Variants in CADPS2 observed in about 807,000 individuals in gnomAD.
CADPS2 encodes calcium-dependent secretion activator 2.
CADPS2 carries 93 observed loss-of-function variants against 172.5 expected under a neutral mutation model. That is an observed-to-expected ratio of 0.54 (90% CI 0.46 to 0.64). CADPS2 has a LOEUF of 0.64. Ranked by LOEUF, CADPS2 falls within the 30% of genes least tolerant of loss-of-function variation. The probability of loss-of-function intolerance (pLI) is 0.00; values close to 1 mark genes in which losing one functional copy is unlikely to be tolerated. For synonymous variants in CADPS2, 546 were observed against 555.2 expected, an observed-to-expected ratio of 0.98 and a Z score of 0.23; for missense variants, 1,420 against 1,565.9, an observed-to-expected ratio of 0.91 and a Z score of 1.57.
At chr7:122,568,674 G>A (rs888172488) in intron 7 of CADPS2, among the ~76,000 whole-genome samples, 1 of 152,002 alleles carries the variant, frequency 6.6e-6, no homozygotes, top group African/African-American at 2.4e-5. Context: ...TGTAGCTCTA[G>A]ATCTGAAAAT....
At chr7:122,834,164 T>C (rs1204183158) in intron 1 of CADPS2, among the ~76,000 whole-genome samples, 1 of 152,102 alleles carries the variant, frequency 6.6e-6, no homozygotes, top group Non-Finnish European at 1.5e-5. Context: ...ACAGCTAACA[T>C]GATGGTAGAA....
chr7:122,756,727 C>T (rs890463588), intron 1 of CADPS2, among the ~76,000 whole-genome samples: 22 of 152,106 alleles, frequency 1.4e-4, no homozygotes, highest in African/African-American at 5.1e-4. Flanking sequence ...GGTGAAACCC[C>T]GTCTCTACTA....
chr7:122,467,778 C>G (rs1163654678), intron 14 of CADPS2, among the ~76,000 whole-genome samples: 1 of 152,184 alleles, frequency 6.6e-6, no homozygotes, highest in Non-Finnish European at 1.5e-5. Context: ...TATAACCACA[C>G]ATATCAACCT....
intron 2 of CADPS2, among the ~76,000 whole-genome samples, chr7:122,707,770 C>A (rs1042537644): frequency 6.6e-6 from 1 of 151,318 alleles, no homozygotes; most frequent in African/African-American, 2.4e-5. Flanking sequence ...AAAGCAGAAT[C>A]TTTACTTTTA....
At chr7:122,744,185 G>A (rs1028514804) in intron 1 of CADPS2, among the ~76,000 whole-genome samples, 2 of 152,106 alleles carry the variant, frequency 1.3e-5, no homozygotes, top group Non-Finnish European at 2.9e-5. Context: ...TTCTTTTCCT[G>A]CTGAATGGAA....
chr7:122,807,207 G>A (rs1300461666), intron 1 of CADPS2, among the ~76,000 whole-genome samples: 2 of 152,190 alleles, frequency 1.3e-5, no homozygotes, highest in Admixed American at 1.3e-4. Flanking sequence ...TTCATAGCCA[G>A]CCCAACTCTG....
chr7:122,517,392 T>C (rs2060458698), intron 8 of CADPS2, among the ~76,000 whole-genome samples: 1 of 152,104 alleles, frequency 6.6e-6, no homozygotes, highest in Admixed American at 6.6e-5. Flanking sequence ...TGTAGGCATG[T>C]CTTCATTTCT....
At chr7:122,423,711 C>A (rs558052784) in intron 17 of CADPS2, among the ~76,000 whole-genome samples, 3 of 152,226 alleles carry the variant, frequency 2.0e-5, no homozygotes, top group East Asian at 3.9e-4. Flanking sequence ...CATTTCTTGG[C>A]TTAAGCATGC....
chr7:122,446,937 A>AT (rs748190148), intron 15 of CADPS2, among the ~76,000 whole-genome samples: 16 of 146,278 alleles, frequency 1.1e-4, no homozygotes, highest in Admixed American at 2.1e-4. Flanking sequence ...TCTTGAAAAT[A>AT]TTTTTTCCCA....
At chr7:122,741,240 A>G (rs1234949334) in intron 1 of CADPS2, among the ~76,000 whole-genome samples, 1 of 152,180 alleles carries the variant, frequency 6.6e-6, no homozygotes, top group Non-Finnish European at 1.5e-5. Flanking sequence ...AGCAGTTAAA[A>G]TAAGTCACCA....
At chr7:122,740,916 A>G (rs185407385) in intron 1 of CADPS2, among the ~76,000 whole-genome samples, 1 of 152,148 alleles carries the variant, frequency 6.6e-6, no homozygotes, top group African/African-American at 2.4e-5. Flanking sequence ...AAAAGAATAC[A>G]AATTAAAACT....
intron 17 of CADPS2, among the ~76,000 whole-genome samples, chr7:122,437,656 ATG>A (rs1420187312): frequency 1.3e-5 from 2 of 152,100 alleles, no homozygotes; most frequent in Non-Finnish European, 2.9e-5. Context: ...TGAGCAAAAA[ATG>A]TGAGGCCTGT....
At chr7:122,455,798 C>A (rs1324746873) in intron 14 of CADPS2, among the ~76,000 whole-genome samples, 1 of 152,112 alleles carries the variant, frequency 6.6e-6, no homozygotes, top group Non-Finnish European at 1.5e-5. Context: ...ACTCCACCTC[C>A]TGGGTTCAAG....
chr7:122,325,402 T>C (rs2033628506), intron 29 of CADPS2, 75 bp downstream of exon 29: 8 of 919,818 alleles, frequency 8.7e-6, no homozygotes, highest in Non-Finnish European at 1.4e-5. Flanking sequence ...AAATACAGTT[T>C]TCTTGTATGT....
chr7:122,794,238 A>T (rs1011082396), intron 1 of CADPS2, among the ~76,000 whole-genome samples: 6 of 151,804 alleles, frequency 4.0e-5, no homozygotes, highest in African/African-American at 1.2e-4. Flanking sequence ...TGGGGACACC[A>T]ATGAGTCATA....
intron 2 of CADPS2, among the ~76,000 whole-genome samples, chr7:122,718,779 T>G (rs1268342385): frequency 1.3e-5 from 2 of 152,102 alleles, no homozygotes; most frequent in Non-Finnish European, 2.9e-5. Context: ...GACCAAGTTG[T>G]GAGCTCAAGA....
At chr7:122,543,276 T>G (rs2063287310) in intron 8 of CADPS2, among the ~76,000 whole-genome samples, 1 of 152,120 alleles carries the variant, frequency 6.6e-6, no homozygotes, top group Non-Finnish European at 1.5e-5. Context: ...CTGTTTTCAA[T>G]TTTACAGTTT....
chr7:122,757,122 T>G (rs546030482), intron 1 of CADPS2, among the ~76,000 whole-genome samples: 1 of 152,084 alleles, frequency 6.6e-6, no homozygotes, highest in African/African-American at 2.4e-5. Flanking sequence ...TGAACAATGC[T>G]GGTCTTCTTC....
At chr7:122,878,557 G>A (rs940495960) in intron 1 of CADPS2, among the ~76,000 whole-genome samples, 8 of 149,350 alleles carry the variant, frequency 5.4e-5, no homozygotes, top group Admixed American at 4.7e-4. Context: ...GGAGAATGGC[G>A]TGAACCCAGG....
Sources: allele counts gnomAD v4.1 joint callset (sites outside exome capture counted in the v4.1 genomes callset), GRCh38; gene constraint gnomAD v4.1.1; transcripts MANE v1.5; gene names NCBI Gene and HGNC (gene_info 2026-07-23, HGNC 2026-07-21).